PDZRN3: variants seen among roughly 807,000 people sequenced by gnomAD.
PDZRN3 encodes the protein E3 ubiquitin-protein ligase PDZRN3.
In PDZRN3, 38 loss-of-function variants were observed where a neutral mutation model predicts 85.7. That is an observed-to-expected ratio of 0.44 (90% confidence interval 0.34 to 0.58). The LOEUF (loss-of-function observed/expected upper bound fraction) is 0.58. Among genes scored for constraint, PDZRN3 ranks in the 20% least tolerant of loss-of-function variants. The pLI is 0.01. For synonymous variants in PDZRN3, 759 were observed against 638.0 expected (o/e 1.19, Z -2.86); for missense variants, 1,629 against 1,506.4 (o/e 1.08, Z -1.35).
At chr3:73,474,097 C>G (rs1192687058) in intron 3 of PDZRN3, among the ~76,000 whole-genome samples, 1 of 152,202 alleles carries the variant, frequency 6.6e-6, no homozygotes, top group African/African-American at 2.4e-5. Flanking sequence ...CCCTGTCTCC[C>G]TGATGCTTCT....
At chr3:73,558,244 C>T (rs1575735273) in intron 3 of PDZRN3, among the ~76,000 whole-genome samples, 1 of 149,142 alleles carries the variant, frequency 6.7e-6, no homozygotes, top group Non-Finnish European at 1.5e-5. Context: ...AATCCAGGAG[C>T]ATATCTGGAA....
At chr3:73,421,887 T>A (rs1243997341) in intron 3 of PDZRN3, among the ~76,000 whole-genome samples, 1 of 152,156 alleles carries the variant, frequency 6.6e-6, no homozygotes, top group Non-Finnish European at 1.5e-5. Flanking sequence ...GACCTCGTGA[T>A]CTCCCCGCCT....
chr3:73,451,417 C>G (rs1702859487), intron 3 of PDZRN3, among the ~76,000 whole-genome samples: 1 of 152,186 alleles, frequency 6.6e-6, no homozygotes, highest in African/African-American at 2.4e-5. Context: ...CAGTTAATAA[C>G]TCTGACCTGC....
intron 3 of PDZRN3, among the ~76,000 whole-genome samples, chr3:73,553,051 A>G (rs1701600457): frequency 1.3e-5 from 2 of 152,238 alleles, no homozygotes; most frequent in South Asian, 4.1e-4. Flanking sequence ...ATAAAATGGA[A>G]TAATTAAAGG....
At chr3:73,618,661 T>A (rs1007256020) in intron 1 of PDZRN3, among the ~76,000 whole-genome samples, 13 of 152,240 alleles carry the variant, frequency 8.5e-5, no homozygotes, top group African/African-American at 3.1e-4. Flanking sequence ...TTCTTACTCA[T>A]CAAATATTTT....
At chr3:73,586,555 CT>C (rs1360610876) in intron 3 of PDZRN3, among the ~76,000 whole-genome samples, 1 of 152,244 alleles carries the variant, frequency 6.6e-6, no homozygotes, top group African/African-American at 2.4e-5. Flanking sequence ...AGAGCTTACA[CT>C]CAAGCAGGGC....
intron 3 of PDZRN3, among the ~76,000 whole-genome samples, chr3:73,524,524 A>T (rs1195034363): frequency 6.6e-6 from 1 of 152,234 alleles, no homozygotes; most frequent in African/African-American, 2.4e-5. Context: ...CTGTACTGCA[A>T]GTGGCACGGT....
chr3:73,616,912 C>A (rs902429116), intron 1 of PDZRN3, among the ~76,000 whole-genome samples: 1 of 152,146 alleles, frequency 6.6e-6, no homozygotes, highest in Non-Finnish European at 1.5e-5. Flanking sequence ...CACATGAACC[C>A]GAATATTGCT....
intron 3 of PDZRN3, among the ~76,000 whole-genome samples, chr3:73,578,145 T>A (rs1415629879): frequency 6.6e-6 from 1 of 151,598 alleles, no homozygotes; most frequent in Non-Finnish European, 1.5e-5. Flanking sequence ...TCCTTTATGA[T>A]ATGGTCTTTG....
At chr3:73,413,235 G>A (rs576890348) in intron 3 of PDZRN3, among the ~76,000 whole-genome samples, 4 of 152,218 alleles carry the variant, frequency 2.6e-5, no homozygotes, top group South Asian at 2.1e-4. Context: ...CTCAGTAAAC[G>A]CTATCTTTTT....
chr3:73,458,234 C>G (rs868703126), intron 3 of PDZRN3, among the ~76,000 whole-genome samples: 2 of 152,008 alleles, frequency 1.3e-5, no homozygotes, highest in Non-Finnish European at 2.9e-5. Flanking sequence ...AAACAGGAGG[C>G]AACAGAGCAG....
intron 1 of PDZRN3, among the ~76,000 whole-genome samples, chr3:73,619,770 C>T (rs1236487067): frequency 6.6e-6 from 1 of 152,000 alleles, no homozygotes; most frequent in Non-Finnish European, 1.5e-5. Context: ...TATAGCCAAC[C>T]AAGAGAAATG....
chr3:73,430,176 A>G (rs1702402590), intron 3 of PDZRN3, among the ~76,000 whole-genome samples: 2 of 152,216 alleles, frequency 1.3e-5, no homozygotes, highest in Non-Finnish European at 2.9e-5. Flanking sequence ...GGATGACAGT[A>G]TCACCTATCT....
intron 3 of PDZRN3, among the ~76,000 whole-genome samples, chr3:73,505,439 C>T (rs1208590986): frequency 6.6e-6 from 1 of 152,030 alleles, no homozygotes; most frequent in Non-Finnish European, 1.5e-5. Flanking sequence ...AATAATAATG[C>T]AAAAATACCT....
At chr3:73,544,297 A>C (rs904925005) in intron 3 of PDZRN3, among the ~76,000 whole-genome samples, 1 of 152,194 alleles carries the variant, frequency 6.6e-6, no homozygotes, top group Non-Finnish European at 1.5e-5. Context: ...TCCCATGTCC[A>C]TTATTATATT....
chr3:73,528,060 G>A (rs1297997364), intron 3 of PDZRN3, among the ~76,000 whole-genome samples: 1 of 152,218 alleles, frequency 6.6e-6, no homozygotes, highest in Non-Finnish European at 1.5e-5. Context: ...CAGAAGTATG[G>A]AGGTCAAGGT....
chr3:73,515,543 G>T (rs1402113582), intron 3 of PDZRN3, among the ~76,000 whole-genome samples: 2 of 151,992 alleles, frequency 1.3e-5, no homozygotes, highest in Non-Finnish European at 2.9e-5. Flanking sequence ...GTTCCTATAA[G>T]GAAATGACCT....
At chr3:73,453,404 C>CAAAAAAAAAAAAAAAAAAAAAAAAA (rs1184407369) in intron 3 of PDZRN3, among the ~76,000 whole-genome samples, 1 of 97,542 alleles carries the variant, frequency 1.0e-5, no homozygotes, top group Non-Finnish European at 2.1e-5. Flanking sequence ...GACTTCGTCT[C>CAAAAAAAAAAAAAAAAAAAAAAAAA]AAAAAAAAAA....
intron 3 of PDZRN3, among the ~76,000 whole-genome samples, chr3:73,573,643 C>T (rs865912775): frequency 2.0e-5 from 3 of 152,144 alleles, no homozygotes; most frequent in South Asian, 2.1e-4. Context: ...TGCCAACGCC[C>T]GTTCTATGGT....
Sources: gnomAD v4.1 joint callset for allele counts (sites outside exome capture counted in the v4.1 genomes callset) on GRCh38, gnomAD v4.1.1 for gene constraint, MANE v1.5 for transcripts, NCBI Gene and HGNC (gene_info 2026-07-23, HGNC 2026-07-21) for gene names.